RPS6KC1: variants seen among roughly 807,000 people sequenced by gnomAD.
RPS6KC1 encodes the protein inactive ribosomal protein S6 kinase delta-1.
A neutral mutation model predicts 103.8 loss-of-function variants in RPS6KC1; 54 were observed. The ratio of observed to expected loss-of-function variants is 0.52; its 90% CI spans 0.42 to 0.65. RPS6KC1 has a LOEUF of 0.65. Among genes scored for constraint, RPS6KC1 ranks in the 30% least tolerant of loss-of-function variants. The pLI, the probability that RPS6KC1 is intolerant of heterozygous loss-of-function variation, is 0.00. For synonymous variants in RPS6KC1, 439 were observed against 438.7 expected, an observed-to-expected ratio of 1.00 and a Z score of -0.01; for missense variants, 1,151 against 1,253.8, an observed-to-expected ratio of 0.92 and a Z score of 1.24.
chr1:213,427,740 G>C, the RPS6KC1 span, among the ~76,000 whole-genome samples: 1 of 152,184 alleles, frequency 6.6e-6, no homozygotes, highest in Non-Finnish European at 1.5e-5. Context: ...CTTGTGCCAA[G>C]AGCAGGTTTT....
chr1:213,537,397 C>T, the RPS6KC1 span, among the ~76,000 whole-genome samples: 5 of 152,144 alleles, frequency 3.3e-5, no homozygotes, highest in African/African-American at 4.8e-5. Flanking sequence ...AGAGTTGGAA[C>T]GCTGGCTGTA....
the RPS6KC1 span, among the ~76,000 whole-genome samples, chr1:213,623,892 T>C: frequency 1.3e-5 from 2 of 152,200 alleles, no homozygotes; most frequent in South Asian, 4.1e-4. Context: ...TCCATCCACC[T>C]GCCCGAGATG....
the RPS6KC1 span, among the ~76,000 whole-genome samples, chr1:213,766,118 C>T: frequency 6.6e-6 from 1 of 152,162 alleles, no homozygotes; most frequent in Non-Finnish European, 1.5e-5. Flanking sequence ...AAGTGTTAGA[C>T]CAGATCTGTA....
chr1:213,057,058 G>C (rs907242686), intron 1 of RPS6KC1, among the ~76,000 whole-genome samples: 1 of 151,836 alleles, frequency 6.6e-6, no homozygotes, highest in African/African-American at 2.4e-5. Flanking sequence ...TCCCACCTCA[G>C]CCTCCCTAGT....
At chr1:213,088,597 A>T (rs1278737255) in intron 3 of RPS6KC1, among the ~76,000 whole-genome samples, 1 of 152,056 alleles carries the variant, frequency 6.6e-6, no homozygotes, top group Non-Finnish European at 1.5e-5. Context: ...GCACAAAGTG[A>T]TCTGTCCGCC....
the RPS6KC1 span, among the ~76,000 whole-genome samples, chr1:213,542,518 G>A: frequency 6.6e-6 from 1 of 152,148 alleles, no homozygotes; most frequent in African/African-American, 2.4e-5. Flanking sequence ...CTCTCTCAGT[G>A]TATGCTGCTC....
At chr1:213,338,853 T>A in the RPS6KC1 span, among the ~76,000 whole-genome samples, 907 of 151,854 alleles carry the variant, frequency 6.0e-3, 11 homozygotes, top group African/African-American at 0.021. Flanking sequence ...GATCCTCTTG[T>A]GTCAGCAAGT....
the RPS6KC1 span, among the ~76,000 whole-genome samples, chr1:213,594,606 A>C: frequency 7.6e-3 from 1,163 of 152,330 alleles, 19 homozygotes; most frequent in African/African-American, 0.023. Flanking sequence ...CTTCATAATA[A>C]TAACAAAATC....
At chr1:213,612,185 G>A in the RPS6KC1 span, among the ~76,000 whole-genome samples, 5 of 152,196 alleles carry the variant, frequency 3.3e-5, no homozygotes, top group Non-Finnish European at 7.3e-5. Context: ...TCTGGGTGGT[G>A]GAGCCCAGCA....
At chr1:213,126,938 T>TA (rs1208982451) in intron 5 of RPS6KC1, among the ~76,000 whole-genome samples, 1 of 152,212 alleles carries the variant, frequency 6.6e-6, no homozygotes, top group African/African-American at 2.4e-5. Flanking sequence ...TTGTATAGTC[T>TA]AATCCACTTT....
At chr1:213,173,397 T>A (rs1051345065) in intron 7 of RPS6KC1, among the ~76,000 whole-genome samples, 1 of 152,212 alleles carries the variant, frequency 6.6e-6, no homozygotes, top group Non-Finnish European at 1.5e-5. Context: ...ATCACTGTTT[T>A]CATTGGGTTA....
Position 213,273,632 on chromosome 1 carries a change from A to G in RPS6KC1, c.*998A>G, listed in dbSNP as rs538384390. On this transcript the variant is annotated 3_prime_UTR_variant, in exon 15 of 15. Transcript: ENST00000366960. The stretch of plus-strand genomic sequence containing the variant: ...AAGCAAAGGATCTCATCTAAATGGA[A>G]TTGAATGGCAGTCCTAGTTTGTTAC... The G allele has an allele frequency of 1.3e-5, 2 of 152,712 alleles. No individual in the cohort carries two copies. Among genetic ancestry groups the G allele is most frequent in the South Asian group, 4.1e-4 (2 of 4,826 alleles). 9.5% of individuals were successfully genotyped at this position (152,712 alleles called of 1,614,324 possible).
the RPS6KC1 span, chr1:213,821,681 T>A: frequency 6.6e-6 from 1 of 152,318 alleles, no homozygotes; most frequent in African/African-American, 2.4e-5. Context: ...TCTCCACTGT[T>A]TCCCCCCCAC....
the RPS6KC1 span, among the ~76,000 whole-genome samples, chr1:213,692,418 G>T: frequency 6.6e-6 from 1 of 151,626 alleles, no homozygotes; most frequent in Non-Finnish European, 1.5e-5. Flanking sequence ...TAAAGTTTTA[G>T]AGCAGGAATG....
At chr1:213,314,105 G>T in the RPS6KC1 span, among the ~76,000 whole-genome samples, 1 of 151,892 alleles carries the variant, frequency 6.6e-6, no homozygotes, top group East Asian at 1.9e-4. Flanking sequence ...GGTGGCTGTT[G>T]GTCCTCGGCC....
the RPS6KC1 span, among the ~76,000 whole-genome samples, chr1:213,684,246 C>T: frequency 3.9e-5 from 6 of 152,184 alleles, no homozygotes; most frequent in African/African-American, 1.4e-4. Flanking sequence ...TGGATCATAT[C>T]ATGATCCTCA....
At chr1:213,415,776 G>T in the RPS6KC1 span, among the ~76,000 whole-genome samples, 3 of 152,104 alleles carry the variant, frequency 2.0e-5, no homozygotes, top group Non-Finnish European at 2.9e-5. Context: ...GTGGAGCCTC[G>T]GGCTTCAGGA....
chr1:213,386,025 G>A, the RPS6KC1 span, among the ~76,000 whole-genome samples: 1 of 152,338 alleles, frequency 6.6e-6, no homozygotes, highest in East Asian at 1.9e-4. Flanking sequence ...GATCCTCAAT[G>A]TTGGAGGTGG....
chr1:213,281,227 C>G, the RPS6KC1 span, among the ~76,000 whole-genome samples: 20 of 152,368 alleles, frequency 1.3e-4, no homozygotes, highest in Middle Eastern at 3.4e-3. Flanking sequence ...TAGTCTGTCT[C>G]TTATTCTCAC....
Sources: gnomAD v4.1 joint callset for allele counts (sites outside exome capture counted in the v4.1 genomes callset) on GRCh38, gnomAD v4.1.1 for gene constraint, MANE v1.5 for transcripts, NCBI Gene and HGNC (gene_info 2026-07-23, HGNC 2026-07-21) for gene names.